The following VAT1L variants were observed in gnomAD, a reference collection of about 807,000 sequenced individuals.
VAT1L encodes vesicle amine transport 1 like, also known as putative NADPH-dependent quinone oxidoreductase VAT1L.
A neutral mutation model predicts 44.1 loss-of-function variants in VAT1L; 34 were observed. That is an observed-to-expected ratio of 0.77 (90% CI 0.59 to 1.03). The LOEUF is 1.03. Among genes scored for constraint, VAT1L ranks in the 50% least tolerant of loss-of-function variants. VAT1L has a pLI of 0.00. For missense variants in VAT1L, 615 were observed against 538.8 expected, an observed-to-expected ratio of 1.14 and a Z score of -1.40; for synonymous variants, 253 against 202.2, an observed-to-expected ratio of 1.25 and a Z score of -2.13.
chr16:77,913,559 G>T (rs1209656289), intron 7 of VAT1L, among the ~76,000 whole-genome samples: 1 of 151,718 alleles, frequency 6.6e-6, no homozygotes, highest in Admixed American at 6.6e-5. Flanking sequence ...TGGCTTCTAG[G>T]ATGCCCTTCC....
rs150898956 is a variant in VAT1L at position 77,855,802 on chromosome 16, G to A, written c.580-6946G>A. 9.9e-3 allele frequency among the ~76,000 whole-genome samples: 1,502 copies of A among 152,168 alleles called. 22 individuals are homozygous for A. The highest frequency in any genetic ancestry group is 0.035 in the African/African-American group (1,434 of 41,520). ...TGGGAAGCCAAGGCGGGCGGATCAC[G>A]AGGTCAAGAAATTGAGACCATCCTG... On this transcript the variant is annotated intron_variant, in intron 3 of 8. Transcript: ENST00000302536.
intron 7 of VAT1L, 28 bp from the exon 8 acceptor site, chr16:77,971,822 C>T (rs998369216): frequency 1.6e-5 from 25 of 1,605,670 alleles, no homozygotes; most frequent in Non-Finnish European, 2.0e-5. Flanking sequence ...GCCTAACCAG[C>T]ACCTCTGTTT....
intron 7 of VAT1L, among the ~76,000 whole-genome samples, chr16:77,953,625 C>G (rs562110593): frequency 6.6e-6 from 1 of 152,106 alleles, no homozygotes; most frequent in African/African-American, 2.4e-5. Context: ...ACTGCGGTCT[C>G]GAACTCCTGG....
rs370177522 is a variant in VAT1L, at chr16:77,879,317, C to A, written c.882+93C>A. ...TGTTTGTTTGTTTGTTTTGAGACAG[C>A]GTCTCGTTCTGTCACCAGGCTGGAG... On this transcript the variant is annotated intron_variant, in intron 6 of 8. Coordinates refer to ENST00000302536, the MANE Select transcript of VAT1L (RefSeq NM_020927.3). The surrounding 1 kb of genome is among the most constrained non-coding windows in gnomAD (Gnocchi z 4.1). 1.5e-6 allele frequency: 2 copies of A among 1,373,008 alleles called. No homozygotes were observed. The highest frequency in any genetic ancestry group is 2.1e-6 in the Non-Finnish European group (2 of 964,916). 85.1% of individuals were successfully genotyped at this position (1,373,008 alleles called of 1,614,324 possible).
At chr16:77,808,475 A>G (rs927930633) in intron 1 of VAT1L, among the ~76,000 whole-genome samples, 2 of 151,370 alleles carry the variant, frequency 1.3e-5, no homozygotes, top group Admixed American at 6.6e-5. Context: ...CCATCCTCCC[A>G]CCCCTGCTCC....
intron 3 of VAT1L, among the ~76,000 whole-genome samples, chr16:77,859,455 G>A (rs1466770636): frequency 6.6e-6 from 1 of 152,170 alleles, no homozygotes; most frequent in East Asian, 1.9e-4. Context: ...TGAATGAGGG[G>A]AGACTGGGTC....
At chr16:77,790,170 A>AAAGCAGCTAGTGGGAG (rs2015807628) in intron 1 of VAT1L, among the ~76,000 whole-genome samples, 1 of 152,154 alleles carries the variant, frequency 6.6e-6, no homozygotes, top group Admixed American at 6.5e-5. Context: ...GCCAGATTAG[A>AAAGCAGCTAGTGGGAG]AAGCAGCTAG....
At chr16:77,907,500 G>C (rs1480861417) in intron 7 of VAT1L, among the ~76,000 whole-genome samples, 1 of 152,140 alleles carries the variant, frequency 6.6e-6, no homozygotes, top group Admixed American at 6.5e-5. Context: ...GCCTGCCTTA[G>C]GTCCATTGCT....
intron 7 of VAT1L, among the ~76,000 whole-genome samples, chr16:77,910,582 G>C (rs572840581): frequency 6.6e-6 from 1 of 151,030 alleles, no homozygotes; most frequent in African/African-American, 2.4e-5. Context: ...GCTGAGGCAG[G>C]AGAATTGCAT....
At chr16:77,964,946 A>G (rs997910813) in intron 7 of VAT1L, among the ~76,000 whole-genome samples, 3 of 151,904 alleles carry the variant, frequency 2.0e-5, no homozygotes, top group Non-Finnish European at 4.4e-5. Flanking sequence ...ATGCACCACC[A>G]TGCCCGGCTA....
chr16:77,890,078 C>T (rs1378795606), intron 7 of VAT1L, among the ~76,000 whole-genome samples: 3 of 152,114 alleles, frequency 2.0e-5, no homozygotes, highest in Non-Finnish European at 4.4e-5. Flanking sequence ...CAGAGCAAGA[C>T]ACCATTTCAC....
At chr16:77,859,417 T>C (rs1284612307) in intron 3 of VAT1L, among the ~76,000 whole-genome samples, 1 of 151,462 alleles carries the variant, frequency 6.6e-6, no homozygotes, top group Non-Finnish European at 1.5e-5. Context: ...TGTTAGGGAG[T>C]AGAAATTGGA....
Position 77,884,723 on chromosome 16 carries a change from G to C in VAT1L, c.998G>C (p.Gly333Ala), listed in dbSNP as rs2017192091. Residue 333 changes from glycine (G) to alanine (A), a missense_variant, in exon 7 of 9, where the codon GGA (glycine) becomes GCA (alanine). Transcript: ENST00000302536. The surrounding 1 kb of genome is among the most constrained non-coding windows in gnomAD (Gnocchi z 4.5). ...FKQGRAGLIRGVVEKLIGLYN... is the reference protein window; with the variant it reads ...FKQGRAGLIRAVVEKLIGLYN... ...CAAGGCCGGGCGGGCCTCATTCGGG[G>C]AGTGGTGGAAAAACTCATAGGGCTC... 1 of 1,606,972 alleles carries C rather than the reference G, an allele frequency of 6.2e-7. No homozygotes were observed. Among genetic ancestry groups the C allele is most frequent in the African/African-American group, 1.3e-5 (1 of 74,790 alleles).
intron 7 of VAT1L, among the ~76,000 whole-genome samples, chr16:77,947,296 T>C (rs2017981343): frequency 6.6e-6 from 1 of 152,198 alleles, no homozygotes; most frequent in South Asian, 2.1e-4. Flanking sequence ...GTCTCCTTGA[T>C]GAAGAATCTT....
At chr16:77,951,540 T>A (rs1033966129) in intron 7 of VAT1L, among the ~76,000 whole-genome samples, 1 of 148,852 alleles carries the variant, frequency 6.7e-6, no homozygotes, top group African/African-American at 2.5e-5. Context: ...AGTGAGACTC[T>A]GTCTCAAAAA....
At chr16:77,905,429 T>A (rs1365202081) in intron 7 of VAT1L, among the ~76,000 whole-genome samples, 1 of 152,134 alleles carries the variant, frequency 6.6e-6, no homozygotes, top group Non-Finnish European at 1.5e-5. Context: ...GGGAGGTTTT[T>A]TCAGAAGTTC....
chr16:77,970,240 A>C (rs1184066987), intron 7 of VAT1L, among the ~76,000 whole-genome samples: 1 of 152,114 alleles, frequency 6.6e-6, no homozygotes, highest in Non-Finnish European at 1.5e-5. Flanking sequence ...TGTCCCCCCA[A>C]AAATGTGTTG....
At chr16:77,899,291 C>T (rs181575938) in intron 7 of VAT1L, among the ~76,000 whole-genome samples, 1 of 152,228 alleles carries the variant, frequency 6.6e-6, no homozygotes, top group Non-Finnish European at 1.5e-5. Context: ...AAGGCCTCAA[C>T]CCCCTCCAGG....
intron 3 of VAT1L, among the ~76,000 whole-genome samples, chr16:77,826,582 A>G (rs1031244231): frequency 6.6e-6 from 1 of 152,100 alleles, no homozygotes; most frequent in Admixed American, 6.5e-5. Flanking sequence ...TCTGCTCTAG[A>G]TTTCAGGGAT....
Sources: gnomAD v4.1 joint callset for allele counts (sites outside exome capture counted in the v4.1 genomes callset) on GRCh38, gnomAD v4.1.1 for gene constraint, Gnocchi (gnomAD v3.1) non-coding constraint, MANE v1.5 for transcripts, NCBI Gene and HGNC (gene_info 2026-07-23, HGNC 2026-07-21) for gene names.